PRKCB: variants seen among roughly 807,000 people sequenced by gnomAD.
PRKCB encodes the protein protein kinase C beta type.
In PRKCB, 13 loss-of-function variants were observed where a neutral mutation model predicts 81.5. That is an observed-to-expected ratio of 0.16 (90% CI 0.10 to 0.25). PRKCB has a LOEUF of 0.25. PRKCB is among the 10% of genes least tolerant of loss of function. The probability of loss-of-function intolerance (pLI) is 1.00; values close to 1 mark genes in which losing one functional copy is unlikely to be tolerated. For synonymous variants in PRKCB, 335 were observed against 321.4 expected (o/e 1.04, Z -0.45); for missense variants, 509 against 875.7 (o/e 0.58, Z 5.29).
At chr16:24,029,468 C>T (rs1212404703) in intron 3 of PRKCB, among the ~76,000 whole-genome samples, 1 of 152,204 alleles carries the variant, frequency 6.6e-6, no homozygotes, top group African/African-American at 2.4e-5. Flanking sequence ...TTCCCTTCGC[C>T]TTCCACTACG....
In PRKCB at chr16:24,059,303, G is replaced by T. The variant is rs111493969; in HGVS notation, c.529+23756G>T. ...AAGAGCAGGAAGGTTCAGGCTCTGG[G>T]AAATGGAGCCACTTCAGTCATCAGT... On this transcript the variant is annotated intron_variant, in intron 5 of 16. Transcript: ENST00000643927. Among the ~76,000 whole-genome samples the T allele has an allele frequency of 3.1e-3, 475 of 152,244 alleles. 2 individuals are homozygous for T. The highest frequency in any genetic ancestry group is 0.011 in the African/African-American group (450 of 41,536).
intron 5 of PRKCB, among the ~76,000 whole-genome samples, chr16:24,060,482 A>G (rs1181937828): frequency 6.6e-6 from 1 of 152,158 alleles, no homozygotes; most frequent in Non-Finnish European, 1.5e-5. Flanking sequence ...TGCATGTATC[A>G]CATCTACAAT....
At chr16:23,882,419 C>A (rs62028074) in intron 2 of PRKCB, among the ~76,000 whole-genome samples, 27,436 of 151,812 alleles carry the variant, frequency 0.18, 2,569 homozygotes, top group Middle Eastern at 0.28. Context: ...AGACAAGGTT[C>A]TTGCTATGTT....
intron 2 of PRKCB, among the ~76,000 whole-genome samples, chr16:23,849,186 A>T (rs1962429534): frequency 6.6e-6 from 1 of 152,240 alleles, no homozygotes; most frequent in Non-Finnish European, 1.5e-5. Flanking sequence ...GGCTGACCTC[A>T]CTTCAAAAAT....
At chr16:24,140,315 T>C (rs1320511341) in intron 9 of PRKCB, among the ~76,000 whole-genome samples, 1 of 152,192 alleles carries the variant, frequency 6.6e-6, no homozygotes, top group Non-Finnish European at 1.5e-5. Context: ...GCCTCAAAAG[T>C]GAAGAATTCG....
At chr16:23,864,562 A>G (rs1015450175) in intron 2 of PRKCB, among the ~76,000 whole-genome samples, 1 of 152,194 alleles carries the variant, frequency 6.6e-6, no homozygotes, top group Non-Finnish European at 1.5e-5. Context: ...CTAGATTATG[A>G]TAAGTGATGG....
In PRKCB at chr16:24,215,469, A is replaced by T; in HGVS notation, c.*653A>T. On this transcript the variant is annotated 3_prime_UTR_variant, in exon 17 of 17. Coordinates refer to ENST00000643927, the MANE Select transcript of PRKCB (RefSeq NM_002738.7). ...TGCTACCTCAGTGTTGTAGTTTCTG[A>T]TACTTTATGTCTTTGCTCACCCTCA... is the stretch of plus-strand genomic sequence containing the variant. The T allele has an allele frequency of 9.1e-6, 9 of 985,796 alleles. No homozygotes were observed. The highest frequency in any genetic ancestry group is 1.1e-5 in the Non-Finnish European group (9 of 829,930). The allele number at this position is 985,796 out of a possible 1,614,324, so 61.1% of individuals were successfully genotyped here. A position where few individuals can be genotyped will look rare whatever the true frequency, so the allele number is the denominator to read the frequency against.
At chr16:23,898,795 C>T (rs1251610080) in intron 2 of PRKCB, among the ~76,000 whole-genome samples, 2 of 152,092 alleles carry the variant, frequency 1.3e-5, no homozygotes, top group African/African-American at 2.4e-5. Context: ...GAAGGAGGAC[C>T]GCCTATTTGC....
At chr16:23,868,004 G>T (rs1962836329) in intron 2 of PRKCB, among the ~76,000 whole-genome samples, 2 of 151,972 alleles carry the variant, frequency 1.3e-5, no homozygotes, top group Non-Finnish European at 2.9e-5. Context: ...GGGAGATCTG[G>T]CTCCAAAGAA....
intron 2 of PRKCB, among the ~76,000 whole-genome samples, chr16:23,962,287 A>G (rs1964436909): frequency 6.6e-6 from 1 of 151,886 alleles, no homozygotes; most frequent in Non-Finnish European, 1.5e-5. Context: ...TTCGCTCCCT[A>G]ACGTCCCTGT....
At chr16:24,185,609 A>C in intron 15 of PRKCB, 42 bp downstream of exon 15, 1 of 1,517,238 alleles carries the variant, frequency 6.6e-7, no homozygotes, top group Non-Finnish European at 9.2e-7. Flanking sequence ...CCACCACATA[A>C]AGGCATGTGG....
intron 2 of PRKCB, among the ~76,000 whole-genome samples, chr16:23,982,694 G>A (rs1002077619): frequency 3.3e-5 from 5 of 152,140 alleles, no homozygotes; most frequent in Non-Finnish European, 7.4e-5. Flanking sequence ...CTCCCAAAGT[G>A]CTAGGATTAT....
At chr16:23,903,512 A>G (rs1391880260) in intron 2 of PRKCB, among the ~76,000 whole-genome samples, 1 of 152,106 alleles carries the variant, frequency 6.6e-6, no homozygotes, top group Admixed American at 6.5e-5. Flanking sequence ...ATTAGCAAGC[A>G]CATGCCTTGG....
chr16:24,021,581 C>T (rs1019257620), intron 3 of PRKCB, among the ~76,000 whole-genome samples: 1 of 151,800 alleles, frequency 6.6e-6, no homozygotes. Flanking sequence ...TTGTCTATAA[C>T]CCCCGTGTTA....
rs1205637186 is a variant in PRKCB, at chr16:23,869,359, GC to G, written c.205+31954del. Reference sequence around the variant, plus strand: ...GCAGTGACACGTAGCACGAGTAAGAGCTAAACTTCGAATATTGTAAGTCACT... The same window carrying G: ...GCAGTGACACGTAGCACGAGTAAGAGTAAACTTCGAATATTGTAAGTCACT... On this transcript the variant is annotated intron_variant, in intron 2 of 16. Transcript: ENST00000643927. The G allele has an allele frequency of 2.1e-4, 56 of 270,894 alleles. 1 individual carries two copies. The highest frequency in any genetic ancestry group is 3.7e-4 in the Non-Finnish European group (49 of 133,360). 16.8% of individuals were successfully genotyped at this position (270,894 alleles called of 1,614,324 possible). A position where few individuals can be genotyped will look rare whatever the true frequency, so the allele number is the denominator to read the frequency against.
intron 9 of PRKCB, chr16:24,151,931 C>G (rs1283406929): frequency 4.4e-6 from 2 of 454,244 alleles, no homozygotes; most frequent in Admixed American, 2.3e-5. Context: ...TGCCCTGTCT[C>G]TCTTCCATGT....
At chr16:24,203,617 A>G (rs1967998464) in intron 16 of PRKCB, among the ~76,000 whole-genome samples, 1 of 152,150 alleles carries the variant, frequency 6.6e-6, no homozygotes, top group South Asian at 2.1e-4. Context: ...TTCCAACTCC[A>G]CAAAGACTTC....
At position 24,216,326 on chromosome 16, in the gene PRKCB, A is replaced by G; in HGVS notation, c.*1510A>G. 1.0e-6 allele frequency: 1 copy of G among 985,424 alleles called. No homozygotes were observed. The highest frequency in any genetic ancestry group is 1.2e-6 in the Non-Finnish European group (1 of 829,932). The allele number at this position is 985,424 out of a possible 1,614,324, so 61.0% of individuals were successfully genotyped here. On this transcript the variant is annotated 3_prime_UTR_variant, in exon 17 of 17. Transcript: ENST00000643927. ...CACCACTCCTCCCAGCTTGGACTAA[A>G]TATTCTTTCTAGCAAGCAGCTTTGT...
chr16:24,013,432 C>T (rs896581189), intron 3 of PRKCB, among the ~76,000 whole-genome samples: 130 of 152,188 alleles, frequency 8.5e-4, no homozygotes, highest in South Asian at 1.2e-3. Flanking sequence ...TGACCTTGGG[C>T]GAGTTACTTA....
Sources: allele counts gnomAD v4.1 joint callset (sites outside exome capture counted in the v4.1 genomes callset), GRCh38; gene constraint gnomAD v4.1.1; transcripts MANE v1.5; gene names NCBI Gene and HGNC (gene_info 2026-07-23, HGNC 2026-07-21).